The following HS3ST2 variants were observed in gnomAD, a reference collection of about 807,000 sequenced individuals.
HS3ST2 encodes the protein heparan sulfate glucosamine 3-O-sulfotransferase 2.
A neutral mutation model predicts 26.3 loss-of-function variants in HS3ST2; 17 were observed. The observed-to-expected ratio is 0.65, with a 90% CI of 0.44 to 0.97. HS3ST2 has a LOEUF of 0.97. Ranked by LOEUF, HS3ST2 falls within the 50% of genes least tolerant of loss-of-function variation. The pLI, the probability that HS3ST2 is intolerant of heterozygous loss-of-function variation, is 0.00. For synonymous variants in HS3ST2, 237 were observed against 219.2 expected, an observed-to-expected ratio of 1.08 and a Z score of -0.72; for missense variants, 402 against 501.2, an observed-to-expected ratio of 0.80 and a Z score of 1.89.
At chr16:22,900,612 A>T (rs563372666) in intron 1 of HS3ST2, among the ~76,000 whole-genome samples, 25 of 152,084 alleles carry the variant, frequency 1.6e-4, no homozygotes, top group Non-Finnish European at 3.5e-4. Context: ...GAGACATGAG[A>T]AGTGGTAAGT....
rs1425961978 is a variant in HS3ST2, at chr16:22,818,848, C to T, written c.485+3753C>T. Among the ~76,000 whole-genome samples the T allele has an allele frequency of 2.0e-3, 27 of 13,338 alleles. 3 individuals are homozygous for T. The highest frequency in any genetic ancestry group is 4.1e-3 in the South Asian group (1 of 244). The allele number at this position is 13,338 out of a possible 152,430, so 8.8% of individuals were successfully genotyped here. A position where few individuals can be genotyped will look rare whatever the true frequency, so the allele number is the denominator to read the frequency against. The stretch of plus-strand genomic sequence containing the variant: ...TTCCTTCCTTCCCTCCTTCCTTCCT[C>T]CCTCCCTCCCTCCCTCCCTTCCTTC... On this transcript the variant is annotated intron_variant, in intron 1 of 1. Coordinates refer to ENST00000261374, the MANE Select transcript of HS3ST2 (RefSeq NM_006043.2).
chr16:22,894,400 G>A (rs1902176544), intron 1 of HS3ST2, among the ~76,000 whole-genome samples: 1 of 152,294 alleles, frequency 6.6e-6, no homozygotes, highest in East Asian at 1.9e-4. Context: ...TGTGGATGTA[G>A]CTCCTCTTTC....
intron 1 of HS3ST2, among the ~76,000 whole-genome samples, chr16:22,856,806 AC>A (rs1901602410): frequency 6.6e-6 from 1 of 152,052 alleles, no homozygotes; most frequent in African/African-American, 2.4e-5. Context: ...TTTAATTCTG[AC>A]TTTTCTCAGC....
intron 1 of HS3ST2, among the ~76,000 whole-genome samples, chr16:22,854,943 A>G (rs1036022112): frequency 6.6e-6 from 1 of 152,178 alleles, no homozygotes; most frequent in African/African-American, 2.4e-5. Context: ...CCCAGCCTCA[A>G]ATGCATTTTT....
chr16:22,860,069 A>G (rs1490148476), intron 1 of HS3ST2, among the ~76,000 whole-genome samples: 1 of 152,168 alleles, frequency 6.6e-6, no homozygotes, highest in Admixed American at 6.5e-5. Flanking sequence ...ACTCTCCCTA[A>G]CAGCTCTATT....
chr16:22,902,544 T>A (rs1370958223), intron 1 of HS3ST2, among the ~76,000 whole-genome samples: 1 of 152,212 alleles, frequency 6.6e-6, no homozygotes, highest in Non-Finnish European at 1.5e-5. Context: ...CTTTATGCAC[T>A]TGTGCAAATA....
chr16:22,877,675 C>T (rs1172599480), intron 1 of HS3ST2, among the ~76,000 whole-genome samples: 1 of 152,168 alleles, frequency 6.6e-6, no homozygotes, highest in East Asian at 1.9e-4. Context: ...GCAAATCATC[C>T]TACAGGATGT....
At chr16:22,910,326 C>T (rs1334297038) in intron 1 of HS3ST2, among the ~76,000 whole-genome samples, 4 of 152,156 alleles carry the variant, frequency 2.6e-5, no homozygotes, top group African/African-American at 9.7e-5. Flanking sequence ...TTTCCTTGTG[C>T]CAGGGAAGAC....
At chr16:22,892,289 CAAA>C (rs529693229) in intron 1 of HS3ST2, among the ~76,000 whole-genome samples, 4 of 61,120 alleles carry the variant, frequency 6.5e-5, no homozygotes, top group Non-Finnish European at 1.3e-4. Flanking sequence ...GACTCTGTCT[CAAA>C]AAAAAAAAAA....
chr16:22,861,808 G>A (rs1031867798), intron 1 of HS3ST2, among the ~76,000 whole-genome samples: 5 of 152,024 alleles, frequency 3.3e-5, no homozygotes, highest in Non-Finnish European at 5.9e-5. Flanking sequence ...CAACCACAGT[G>A]CCCTCTCTGG....
intron 1 of HS3ST2, among the ~76,000 whole-genome samples, chr16:22,869,071 A>T (rs1596620231): frequency 6.6e-6 from 1 of 151,832 alleles, no homozygotes; most frequent in African/African-American, 2.4e-5. Context: ...AACAGGTACT[A>T]AACAAGCAGA....
At chr16:22,823,906 T>C (rs1901041435) in intron 1 of HS3ST2, among the ~76,000 whole-genome samples, 1 of 152,240 alleles carries the variant, frequency 6.6e-6, no homozygotes, top group South Asian at 2.1e-4. Context: ...GAGTGTAGCC[T>C]TCCCAAGAAC....
At chr16:22,825,177 A>C (rs1901066064) in intron 1 of HS3ST2, among the ~76,000 whole-genome samples, 1 of 152,226 alleles carries the variant, frequency 6.6e-6, no homozygotes, top group Non-Finnish European at 1.5e-5. Context: ...TGTGCCAACC[A>C]GAGGCTTCTC....
chr16:22,856,183 G>T (rs1901591248), intron 1 of HS3ST2, among the ~76,000 whole-genome samples: 1 of 152,204 alleles, frequency 6.6e-6, no homozygotes, highest in South Asian at 2.1e-4. Flanking sequence ...AAACTGGGCA[G>T]GTTTTGTACT....
chr16:22,864,574 C>T (rs1332766037), intron 1 of HS3ST2, among the ~76,000 whole-genome samples: 1 of 152,086 alleles, frequency 6.6e-6, no homozygotes, highest in Non-Finnish European at 1.5e-5. Context: ...AGGGGCCCCT[C>T]CTGGGGGTGA....
At position 22,896,041 on chromosome 16, in the gene HS3ST2, GGCTCAA is replaced by G. The variant is rs563165625; in HGVS notation, c.486-18900_486-18895del. Among the ~76,000 whole-genome samples the G allele has an allele frequency of 1.6e-4, 25 of 151,728 alleles. 2 individuals carry two copies. In the South Asian group the frequency reaches 5.2e-3, roughly 32 times the overall value. On this transcript the variant is annotated intron_variant, in intron 1 of 1. Coordinates refer to ENST00000261374, the MANE Select transcript of HS3ST2 (RefSeq NM_006043.2). The stretch of plus-strand genomic sequence containing the variant: ...TGCCTAGACTGGACTCAAAATCCTG[GGCTCAA>G]GCAATCCTCCTGCCTCAGCCTTCCA...
chr16:22,877,777 G>A (rs1901939333), intron 1 of HS3ST2, among the ~76,000 whole-genome samples: 2 of 152,256 alleles, frequency 1.3e-5, no homozygotes, highest in African/African-American at 2.4e-5. Context: ...GAAGAAGGCA[G>A]TGTTTACCCT....
chr16:22,837,499 G>GTGTA (rs1445071823), intron 1 of HS3ST2, among the ~76,000 whole-genome samples: 6 of 144,542 alleles, frequency 4.2e-5, no homozygotes, highest in Non-Finnish European at 9.0e-5. Flanking sequence ...GTGTGTGTGT[G>GTGTA]TATATATATG....
intron 1 of HS3ST2, among the ~76,000 whole-genome samples, chr16:22,862,275 CTTTT>C (rs397855284): frequency 4.1e-5 from 5 of 123,222 alleles, no homozygotes; most frequent in Admixed American, 2.5e-4. Context: ...TTCTCCTCAG[CTTTT>C]TTTTTTTTTT....
Sources: gnomAD v4.1 joint callset for allele counts (sites outside exome capture counted in the v4.1 genomes callset) on GRCh38, gnomAD v4.1.1 for gene constraint, MANE v1.5 for transcripts, NCBI Gene and HGNC (gene_info 2026-07-23, HGNC 2026-07-21) for gene names.